HERC2: variants seen among roughly 807,000 people sequenced by gnomAD.
HERC2 encodes the protein HECT and RLD domain containing E3 ubiquitin protein ligase 2.
A neutral mutation model predicts 537.7 loss-of-function variants in HERC2; 102 were observed. The ratio of observed to expected loss-of-function variants is 0.19; its 90% CI spans 0.16 to 0.22. The LOEUF (loss-of-function observed/expected upper bound fraction) is 0.22, where lower values mean the gene tolerates loss of function less well. Among genes scored for constraint, HERC2 ranks in the 10% least tolerant of loss-of-function variants. HERC2 has a pLI of 1.00. For synonymous variants in HERC2, 2,224 were observed against 2,466.2 expected, an observed-to-expected ratio of 0.90 and a Z score of 2.91; for missense variants, 4,236 against 6,198.2, an observed-to-expected ratio of 0.68 and a Z score of 10.63.
chr15:28,303,463 T>C (rs1197402740), intron 2 of HERC2, among the ~76,000 whole-genome samples: 1 of 152,234 alleles, frequency 6.6e-6, no homozygotes, highest in African/African-American at 2.4e-5. Flanking sequence ...GACTGTAGTA[T>C]AATTTTAAGT....
intron 44 of HERC2, among the ~76,000 whole-genome samples, chr15:28,210,521 T>C (rs1436686198): frequency 6.6e-6 from 1 of 152,216 alleles, no homozygotes; most frequent in Non-Finnish European, 1.5e-5. Context: ...AATACATACA[T>C]ACATCTATGC....
chr15:28,238,563 T>C lies in HERC2; in HGVS notation c.3748+39A>G, dbSNP rs776796884. ...AATACTCTGCTTAAAATGATATAGG[T>C]TGTAACTTTTAACCAGGAAATAACA... is the stretch of plus-strand genomic sequence containing the variant. On this transcript the variant is annotated intron_variant, in intron 24 of 92. Transcript: ENST00000261609. The C allele has an allele frequency of 9.8e-6, 15 of 1,532,186 alleles. No individual in the cohort carries two copies. The East Asian group carries it at 1.1e-4, about 11-fold the overall frequency. 94.9% of individuals were successfully genotyped at this position (1,532,186 alleles called of 1,614,324 possible). A position where few individuals can be genotyped will look rare whatever the true frequency, so the allele number is the denominator to read the frequency against.
At chr15:28,311,582 G>A (rs1234481207) in intron 2 of HERC2, among the ~76,000 whole-genome samples, 1 of 152,110 alleles carries the variant, frequency 6.6e-6, no homozygotes, top group African/African-American at 2.4e-5. Context: ...ACTAAGATTT[G>A]CACTAACTAC....
chr15:28,152,175 G>A (rs1892524879), intron 70 of HERC2, among the ~76,000 whole-genome samples: 1 of 152,202 alleles, frequency 6.6e-6, no homozygotes, highest in Non-Finnish European at 1.5e-5. Flanking sequence ...GGAACACACT[G>A]AACAGCAGCA....
chr15:28,280,012 CA>C (rs1470635989), intron 5 of HERC2, 55 bp downstream of exon 5: 1 of 1,370,656 alleles, frequency 7.3e-7, no homozygotes, highest in South Asian at 1.3e-5. Context: ...TGAAACAAAA[CA>C]GTCTGAATTT....
chr15:28,241,217 T>C (rs1262748711), intron 23 of HERC2, among the ~76,000 whole-genome samples: 1 of 152,094 alleles, frequency 6.6e-6, no homozygotes, highest in African/African-American at 2.4e-5. Context: ...GGCAAAAGAC[T>C]TGAATATGCA....
chr15:28,216,273 C>T (rs1320739896), intron 38 of HERC2, among the ~76,000 whole-genome samples: 2 of 152,066 alleles, frequency 1.3e-5, no homozygotes, highest in African/African-American at 4.8e-5. Flanking sequence ...TTTTAAATAT[C>T]TCCACAATCT....
chr15:28,279,884 T>C (rs2075978445), intron 5 of HERC2, 184 bp downstream of exon 5: 1 of 599,584 alleles, frequency 1.7e-6, no homozygotes, highest in Non-Finnish European at 3.0e-6. Context: ...GCATGGTCTA[T>C]TACTACATGA....
intron 38 of HERC2, among the ~76,000 whole-genome samples, chr15:28,217,470 C>T (rs1180102297): frequency 1.3e-5 from 2 of 152,190 alleles, no homozygotes; most frequent in Non-Finnish European, 2.9e-5. Flanking sequence ...CTAATACACG[C>T]ATGCTCTCAC....
intron 55 of HERC2, among the ~76,000 whole-genome samples, chr15:28,187,874 G>A (rs1023995238): frequency 3.3e-5 from 5 of 152,168 alleles, no homozygotes; most frequent in African/African-American, 7.2e-5. Context: ...CCATGTGGCC[G>A]ACTGCATGCC....
chr15:28,263,256 G>A (rs1044102052), intron 14 of HERC2, 87 bp from the exon 15 acceptor site: 9 of 1,444,756 alleles, frequency 6.2e-6, no homozygotes, highest in South Asian at 2.7e-5. Flanking sequence ...AATGAAAAAC[G>A]CACACTAATC....
In HERC2 at chr15:28,176,721, A is replaced by G; in HGVS notation, c.9480T>C (p.Ser3160=). Residue 3160 remains serine, a synonymous_variant, in exon 62 of 93, where the codon AGT becomes AGC. Transcript: ENST00000261609. The surrounding 1 kb of genome is among the most constrained non-coding windows in gnomAD (Gnocchi z 5.0). ...TCAGAGCCAGGGTCTGCGCGTCTCT[A>G]CTCCCACATGCAACCTGGATTACTC... ...GHRVIQVACG[S]RDAQTLALTD... 1 of 1,613,880 alleles carries G rather than the reference A, an allele frequency of 6.2e-7. No homozygotes were observed.
Position 28,274,281 on chromosome 15 carries a change from A to T in HERC2, c.800+10T>A. 6.2e-7 allele frequency: 1 copy of T among 1,613,920 alleles called. No individual in the cohort carries two copies. The highest frequency in any genetic ancestry group is 8.5e-7 in the Non-Finnish European group (1 of 1,179,858). ...TCTGCGTGCAGAAGGCAAGAAAGGA[A>T]AGAACTCACCCCGTCACGACGGACC... On this transcript the variant is annotated intron_variant, in intron 7 of 92. Coordinates refer to ENST00000261609, the MANE Select transcript of HERC2 (RefSeq NM_004667.6).
rs1432804901 is a variant in HERC2 at position 28,215,567 on chromosome 15, T to C, written c.6210+54A>G. ...GCCCCTGACTCTGAAGGCAGGGAACTTCAGTACATGGAGGCCTCTCTCAGG... is the reference window on the plus strand; with the variant it reads ...GCCCCTGACTCTGAAGGCAGGGAACCTCAGTACATGGAGGCCTCTCTCAGG... On this transcript the variant is annotated intron_variant, in intron 39 of 92. Transcript: ENST00000261609. 4.1e-6 allele frequency: 6 copies of C among 1,478,072 alleles called. No homozygotes were observed. The Admixed American group carries it at 1.1e-4, about 28-fold the overall frequency. The allele number at this position is 1,478,072 out of a possible 1,614,324, so 91.6% of individuals were successfully genotyped here.
chr15:28,207,937 C>T (rs1397270745), intron 44 of HERC2, among the ~76,000 whole-genome samples: 6 of 151,986 alleles, frequency 3.9e-5, no homozygotes, highest in African/African-American at 1.5e-4. Flanking sequence ...AACAGGTGCA[C>T]GGCAGTTTTG....
intron 35 of HERC2, among the ~76,000 whole-genome samples, chr15:28,226,175 A>G (rs893715152): frequency 1.5e-4 from 23 of 152,244 alleles, no homozygotes; most frequent in African/African-American, 5.5e-4. Context: ...CATTCAGAGA[A>G]TGGATGTTAA....
intron 81 of HERC2, among the ~76,000 whole-genome samples, chr15:28,131,262 C>G (rs896282182): frequency 3.3e-5 from 5 of 152,210 alleles, no homozygotes; most frequent in African/African-American, 1.2e-4. Context: ...GCCCAGCATC[C>G]TCAGCCTTGG....
Position 28,113,176 on chromosome 15 carries a change from C to T in HERC2, c.14127G>A (p.Glu4709=). 3 of 1,614,154 alleles carry T rather than the reference C, an allele frequency of 1.9e-6. No individual in the cohort carries two copies. Among genetic ancestry groups the T allele is most frequent in the East Asian group, 2.2e-5 (1 of 44,884 alleles). ...GAGAGCGCTCTGTGTTGGAGAAGGA[C>T]TCCATCACCTCCCAGAACCACTGGA... The part of the protein sequence containing the change: ...SLIQWFWEVM[E]SFSNTERSLF... The change falls in exon 92 of 93, where the codon GAG becomes GAA. Residue 4709 remains glutamate (E), a synonymous_variant. Coordinates refer to ENST00000261609, the MANE Select transcript of HERC2 (RefSeq NM_004667.6). This position sits in a 1 kb window ranked among gnomAD's most constrained non-coding sequence, Gnocchi z 7.0.
intron 3 of HERC2, among the ~76,000 whole-genome samples, chr15:28,294,249 C>T (rs1289471037): frequency 6.6e-6 from 1 of 151,810 alleles, no homozygotes; most frequent in Non-Finnish European, 1.5e-5. Context: ...AAGGTGAATG[C>T]TGAAAAAAAT....
Sources: gnomAD v4.1 joint callset for allele counts (sites outside exome capture counted in the v4.1 genomes callset) on GRCh38, gnomAD v4.1.1 for gene constraint, Gnocchi (gnomAD v3.1) non-coding constraint, MANE v1.5 for transcripts, NCBI Gene and HGNC (gene_info 2026-07-23, HGNC 2026-07-21) for gene names.